Variants in L3MBTL4 observed in about 807,000 individuals in gnomAD.
L3MBTL4 encodes lethal(3)malignant brain tumor-like protein 4.
A neutral mutation model predicts 84.5 loss-of-function variants in L3MBTL4; 70 were observed. The ratio of observed to expected loss-of-function variants is 0.83; its 90% CI spans 0.68 to 1.01. The LOEUF is 1.01. L3MBTL4 is among the 50% of genes least tolerant of loss of function. L3MBTL4 has a pLI of 0.00. For synonymous variants in L3MBTL4, 274 were observed against 259.8 expected (o/e 1.05, Z -0.52); for missense variants, 715 against 754.8 (o/e 0.95, Z 0.62).
intron 13 of L3MBTL4, among the ~76,000 whole-genome samples, chr18:6,165,386 C>G (rs2043593541): frequency 6.6e-6 from 1 of 152,100 alleles, no homozygotes; most frequent in Non-Finnish European, 1.5e-5. Flanking sequence ...TTGTCAGATT[C>G]ACCAAAGTTG....
chr18:6,184,479 A>C (rs2145403977), intron 12 of L3MBTL4, among the ~76,000 whole-genome samples: 1 of 152,376 alleles, frequency 6.6e-6, no homozygotes, highest in South Asian at 2.1e-4. Context: ...GATTTATTTA[A>C]GATTAACCCA....
chr18:6,334,497 T>C (rs940527834), intron 1 of L3MBTL4, among the ~76,000 whole-genome samples: 1 of 152,176 alleles, frequency 6.6e-6, no homozygotes, highest in Admixed American at 6.5e-5. Context: ...TTCTCTTAAA[T>C]ATGTTCAAAA....
chr18:6,207,945 GA>G (rs908431945), intron 12 of L3MBTL4, among the ~76,000 whole-genome samples: 201 of 148,122 alleles, frequency 1.4e-3, no homozygotes, highest in African/African-American at 4.4e-3. Context: ...TCTCCGCAAA[GA>G]AAAAAAAAAT....
intron 16 of L3MBTL4, among the ~76,000 whole-genome samples, chr18:6,035,275 G>T (rs1336930672): frequency 6.6e-6 from 1 of 152,116 alleles, no homozygotes; most frequent in Non-Finnish European, 1.5e-5. Context: ...GGTTTTTATG[G>T]TTTTAGGTCT....
At chr18:6,384,338 A>G (rs1379385614) in intron 1 of L3MBTL4, among the ~76,000 whole-genome samples, 3 of 151,768 alleles carry the variant, frequency 2.0e-5, no homozygotes, top group Non-Finnish European at 4.4e-5. Flanking sequence ...ATACAGACAC[A>G]TCCATATACA....
intron 5 of L3MBTL4, among the ~76,000 whole-genome samples, chr18:6,247,355 C>T (rs1038873210): frequency 6.6e-6 from 1 of 151,342 alleles, no homozygotes; most frequent in African/African-American, 2.4e-5. Flanking sequence ...TCGGATGTTA[C>T]GAGTTGACGA....
At chr18:6,152,896 A>T (rs1048592386) in intron 13 of L3MBTL4, among the ~76,000 whole-genome samples, 2 of 152,110 alleles carry the variant, frequency 1.3e-5, no homozygotes, top group Non-Finnish European at 2.9e-5. Flanking sequence ...AATCCATTTC[A>T]AGTTAATTTT....
At chr18:6,322,806 G>T (rs1270544237) in intron 1 of L3MBTL4, among the ~76,000 whole-genome samples, 2 of 152,116 alleles carry the variant, frequency 1.3e-5, no homozygotes, top group Admixed American at 1.3e-4. Flanking sequence ...TAGTTAGAAA[G>T]AATAAGATCT....
chr18:6,357,105 C>T (rs1222768663), intron 1 of L3MBTL4, among the ~76,000 whole-genome samples: 1 of 152,140 alleles, frequency 6.6e-6, no homozygotes, highest in African/African-American at 2.4e-5. Flanking sequence ...CTGACTTTTG[C>T]TGTATCTCAT....
At chr18:6,162,411 G>C (rs191224248) in intron 13 of L3MBTL4, among the ~76,000 whole-genome samples, 101 of 152,146 alleles carry the variant, frequency 6.6e-4, no homozygotes, top group Non-Finnish European at 2.4e-4. Flanking sequence ...AAAAAAATCC[G>C]AAAGTTAAAC....
chr18:5,972,026 G>A (rs1329115903), intron 16 of L3MBTL4, among the ~76,000 whole-genome samples: 1 of 152,172 alleles, frequency 6.6e-6, no homozygotes, highest in Non-Finnish European at 1.5e-5. Flanking sequence ...GAATTTGGGA[G>A]TGCAGGAAAG....
chr18:6,353,894 A>C (rs2053315964), intron 1 of L3MBTL4, among the ~76,000 whole-genome samples: 1 of 152,158 alleles, frequency 6.6e-6, no homozygotes, highest in African/African-American at 2.4e-5. Flanking sequence ...CTCTTTCAAA[A>C]ATACCACTGA....
intron 4 of L3MBTL4, among the ~76,000 whole-genome samples, chr18:6,266,333 A>G (rs1172758828): frequency 6.6e-6 from 1 of 152,244 alleles, no homozygotes; most frequent in East Asian, 1.9e-4. Context: ...AACACAATCT[A>G]TATTTTAAAA....
chr18:6,079,036 AT>A (rs1247536590), intron 16 of L3MBTL4, among the ~76,000 whole-genome samples: 1 of 152,194 alleles, frequency 6.6e-6, no homozygotes, highest in Non-Finnish European at 1.5e-5. Context: ...TCAGGTGGTA[AT>A]GTGAGCAATG....
intron 13 of L3MBTL4, among the ~76,000 whole-genome samples, chr18:6,155,502 T>C (rs16949511): frequency 0.052 from 7,862 of 152,270 alleles, 689 homozygotes; most frequent in African/African-American, 0.18. Context: ...CATGGCTGGA[T>C]GCACAGGTGC....
intron 10 of L3MBTL4, among the ~76,000 whole-genome samples, chr18:6,224,929 C>T (rs375976972): frequency 5.4e-5 from 8 of 148,058 alleles, no homozygotes; most frequent in East Asian, 2.0e-4. Context: ...AAAGGAAATT[C>T]GAAAAAAAAA....
At chr18:6,384,573 C>T (rs914094133) in intron 1 of L3MBTL4, among the ~76,000 whole-genome samples, 1 of 152,218 alleles carries the variant, frequency 6.6e-6, no homozygotes, top group Non-Finnish European at 1.5e-5. Flanking sequence ...CTATTTCTAA[C>T]AATGCCGCAA....
At position 6,301,926 on chromosome 18, in the gene L3MBTL4, T is replaced by C; in HGVS notation, c.104A>G (p.Asp35Gly). Residue 35 changes from aspartate to glycine, a missense_variant, in exon 4 of 19, where the codon GAT (aspartate) becomes GGT (glycine). Coordinates refer to ENST00000317931, the MANE Select transcript of L3MBTL4 (RefSeq NM_001330559.2). ...EQAEEEKKPK[D>G]STTPLSHVPS... ...ACCGTGACTCAAAGGGGTTGTGCTA[T>C]CCTTGGGCTTCTTTTCCTCTTCAGC... 1 of 1,613,562 alleles carries C rather than the reference T, an allele frequency of 6.2e-7. No homozygotes were observed. Among genetic ancestry groups the C allele is most frequent in the East Asian group, 2.2e-5 (1 of 44,878 alleles).
intron 16 of L3MBTL4, among the ~76,000 whole-genome samples, chr18:5,979,662 A>G (rs2053118357): frequency 6.6e-6 from 1 of 152,032 alleles, no homozygotes; most frequent in South Asian, 2.1e-4. Flanking sequence ...ATAGTGGGTT[A>G]TTTCTCACAC....
Sources: gnomAD v4.1 joint callset for allele counts (sites outside exome capture counted in the v4.1 genomes callset) on GRCh38, gnomAD v4.1.1 for gene constraint, MANE v1.5 for transcripts, NCBI Gene and HGNC (gene_info 2026-07-23, HGNC 2026-07-21) for gene names.